LRRC4C: variants seen among roughly 807,000 people sequenced by gnomAD.
LRRC4C encodes leucine rich repeat containing 4C, also known as leucine-rich repeat-containing protein 4C.
A neutral mutation model predicts 33.6 loss-of-function variants in LRRC4C; 5 were observed. The observed-to-expected ratio is 0.15, with a 90% CI of 0.08 to 0.31. The LOEUF (loss-of-function observed/expected upper bound fraction) is 0.31. Among genes scored for constraint, LRRC4C ranks in the 10% least tolerant of loss-of-function variants. The pLI, the probability that LRRC4C is intolerant of heterozygous loss-of-function variation, is 1.00. For missense variants in LRRC4C, 560 were observed against 796.7 expected (o/e 0.70, Z 3.58); for synonymous variants, 329 against 302.0 (o/e 1.09, Z -0.93).
chr11:40,268,207 T>G (rs2136315661), intron 4 of LRRC4C, among the ~76,000 whole-genome samples: 1 of 152,320 alleles, frequency 6.6e-6, no homozygotes, highest in East Asian at 1.9e-4. Flanking sequence ...AAATACAAAA[T>G]GTGCTTTCTA....
intron 2 of LRRC4C, among the ~76,000 whole-genome samples, chr11:40,681,654 C>G (rs1944693799): frequency 6.7e-6 from 1 of 149,294 alleles, no homozygotes; most frequent in Non-Finnish European, 1.5e-5. Flanking sequence ...AATCCCAACA[C>G]TTTCGGAAGC....
intron 2 of LRRC4C, among the ~76,000 whole-genome samples, chr11:40,846,844 T>C (rs1186226696): frequency 6.6e-6 from 1 of 152,188 alleles, no homozygotes; most frequent in African/African-American, 2.4e-5. Flanking sequence ...TGAGCAGTGG[T>C]GTGTAGTTCT....
intron 3 of LRRC4C, among the ~76,000 whole-genome samples, chr11:40,341,886 A>G (rs571432923): frequency 1.1e-4 from 17 of 152,248 alleles, no homozygotes; most frequent in Admixed American, 7.2e-4. Context: ...ATGGGATGAC[A>G]TATTAAATAT....
chr11:41,172,626 T>C (rs1190163686), intron 1 of LRRC4C, among the ~76,000 whole-genome samples: 2 of 152,182 alleles, frequency 1.3e-5, no homozygotes, highest in East Asian at 3.8e-4. Flanking sequence ...TTTTCATTCA[T>C]GGCCTATTCC....
chr11:41,296,322 T>G (rs544619152), intron 1 of LRRC4C, among the ~76,000 whole-genome samples: 229 of 152,172 alleles, frequency 1.5e-3, no homozygotes, highest in African/African-American at 5.4e-3. Context: ...GTGCTTTTTT[T>G]TTTTTCTTTT....
At chr11:40,839,171 T>C (rs1163351369) in intron 2 of LRRC4C, among the ~76,000 whole-genome samples, 1 of 152,212 alleles carries the variant, frequency 6.6e-6, no homozygotes, top group Non-Finnish European at 1.5e-5. Context: ...TTTTCTACTG[T>C]GTGTTCAACT....
intron 5 of LRRC4C, among the ~76,000 whole-genome samples, chr11:40,232,463 G>T (rs962216845): frequency 1.3e-5 from 2 of 152,184 alleles, no homozygotes; most frequent in South Asian, 4.1e-4. Flanking sequence ...TAAATTAAGA[G>T]ACCTCAACTC....
At chr11:40,602,138 T>C (rs1960070096) in intron 3 of LRRC4C, among the ~76,000 whole-genome samples, 1 of 142,088 alleles carries the variant, frequency 7.0e-6, no homozygotes, top group Non-Finnish European at 1.5e-5. Flanking sequence ...GAGATTGCAG[T>C]GAGCTGAGAT....
intron 5 of LRRC4C, among the ~76,000 whole-genome samples, chr11:40,219,852 T>C (rs1864273755): frequency 6.6e-6 from 1 of 152,138 alleles, no homozygotes; most frequent in African/African-American, 2.4e-5. Flanking sequence ...AATTGCACTG[T>C]ATATAGTATT....
intron 5 of LRRC4C, among the ~76,000 whole-genome samples, chr11:40,168,807 A>G (rs1859811571): frequency 6.6e-6 from 1 of 152,158 alleles, no homozygotes. Context: ...AGAATCTTTC[A>G]TTTTCTGTTA....
At chr11:40,147,773 G>A (rs1322499508) in intron 5 of LRRC4C, among the ~76,000 whole-genome samples, 1 of 152,126 alleles carries the variant, frequency 6.6e-6, no homozygotes, top group African/African-American at 2.4e-5. Context: ...AAGTTCAGGG[G>A]TACATGTGCA....
chr11:40,487,540 G>A (rs1056197075), intron 3 of LRRC4C, among the ~76,000 whole-genome samples: 6 of 152,002 alleles, frequency 3.9e-5, no homozygotes, highest in African/African-American at 1.4e-4. Context: ...TAGGTATTGT[G>A]AAGAGTAGAG....
In LRRC4C at chr11:41,279,419, CACACA is replaced by C. The variant is rs1565542336; in HGVS notation, c.-496+180007_-496+180011del. Among the ~76,000 whole-genome samples, 10 of 146,092 alleles carry C rather than the reference CACACA, an allele frequency of 6.8e-5. No individual in the cohort carries two copies. The East Asian group carries it at 1.0e-3, about 15-fold the overall frequency. The stretch of plus-strand genomic sequence containing the variant: ...ACACACACACACACACACACACACA[CACACA>C]CACACCGTGGCAATCACTGCCTGCA... On this transcript the variant is annotated intron_variant, in intron 1 of 6. Coordinates refer to ENST00000528697, the MANE Select transcript of LRRC4C (RefSeq NM_001258419.2).
chr11:40,215,369 A>G (rs533383550), intron 5 of LRRC4C, among the ~76,000 whole-genome samples: 2 of 152,246 alleles, frequency 1.3e-5, no homozygotes, highest in South Asian at 4.1e-4. Context: ...TGTAACCTCT[A>G]TGCTTGCCTG....
chr11:40,623,929 T>TA (rs1236424789), intron 3 of LRRC4C, among the ~76,000 whole-genome samples: 2 of 152,136 alleles, frequency 1.3e-5, no homozygotes, highest in Non-Finnish European at 2.9e-5. Flanking sequence ...TTCAAAATAG[T>TA]AAATAATTTC....
intron 2 of LRRC4C, among the ~76,000 whole-genome samples, chr11:40,700,416 G>C (rs139266778): frequency 6.6e-6 from 1 of 152,186 alleles, no homozygotes; most frequent in East Asian, 1.9e-4. Flanking sequence ...ATAAATTATA[G>C]AAATATCACA....
At chr11:40,398,824 T>C (rs935492955) in intron 3 of LRRC4C, among the ~76,000 whole-genome samples, 1 of 152,102 alleles carries the variant, frequency 6.6e-6, no homozygotes, top group African/African-American at 2.4e-5. Flanking sequence ...AATGGCCTAC[T>C]AATAAGCCAT....
At chr11:41,152,829 G>A (rs969615056) in intron 1 of LRRC4C, among the ~76,000 whole-genome samples, 6 of 152,162 alleles carry the variant, frequency 3.9e-5, no homozygotes, top group African/African-American at 1.4e-4. Context: ...CACTTTGTCT[G>A]TAGAAGGTTG....
intron 2 of LRRC4C, among the ~76,000 whole-genome samples, chr11:40,906,806 TG>T (rs1485462322): frequency 2.9e-4 from 44 of 152,326 alleles, no homozygotes; most frequent in African/African-American, 1.1e-3. Flanking sequence ...TATGTGTTTA[TG>T]TGTTCTATAC....
Sources: allele counts gnomAD v4.1 joint callset (sites outside exome capture counted in the v4.1 genomes callset), GRCh38; gene constraint gnomAD v4.1.1; transcripts MANE v1.5; gene names NCBI Gene and HGNC (gene_info 2026-07-23, HGNC 2026-07-21).